Variants in SLF1 observed in about 807,000 individuals in gnomAD.
The protein encoded by SLF1 is SMC5-SMC6 complex localization factor protein 1.
SLF1 carries 105 observed loss-of-function variants against 123.0 expected under a neutral mutation model. The ratio of observed to expected loss-of-function variants is 0.85; its 90% CI spans 0.73 to 1.00. The LOEUF is 1.00. Ranked by LOEUF, SLF1 falls within the 50% of genes least tolerant of loss-of-function variation. The probability of loss-of-function intolerance (pLI) is 0.00; values close to 1 mark genes in which losing one functional copy is unlikely to be tolerated. For synonymous variants in SLF1, 434 were observed against 406.6 expected (o/e 1.07, Z -0.81); for missense variants, 1,239 against 1,223.0 (o/e 1.01, Z -0.20).
intron 3 of SLF1, among the ~76,000 whole-genome samples, chr5:94,630,159 A>G (rs1745047558): frequency 6.6e-6 from 1 of 152,170 alleles, no homozygotes; most frequent in Non-Finnish European, 1.5e-5. Flanking sequence ...GTAATACCAC[A>G]TTTTATTTTG....
At chr5:94,689,102 G>A (rs6890092) in intron 17 of SLF1, among the ~76,000 whole-genome samples, 33,904 of 152,118 alleles carry the variant, frequency 0.22, 3,910 homozygotes, top group East Asian at 0.35. Context: ...GAAAGCTTCT[G>A]TGAGAGGAAG....
At chr5:94,692,420 TTTA>T (rs1158823658) in intron 20 of SLF1, among the ~76,000 whole-genome samples, 164 bp downstream of exon 20, 4 of 152,282 alleles carry the variant, frequency 2.6e-5, no homozygotes, top group Middle Eastern at 3.4e-3. Context: ...GTAAGCACCT[TTTA>T]TTATTAGAGA....
intron 17 of SLF1, 128 bp from the exon 18 acceptor site, chr5:94,689,345 A>T: frequency 1.1e-6 from 1 of 921,488 alleles, no homozygotes; most frequent in African/African-American, 1.7e-5. Flanking sequence ...ATTAGAAAGC[A>T]GTAAAGATTG....
Position 94,665,758 on chromosome 5 carries a change from A to G in SLF1, c.1369-103A>G, listed in dbSNP as rs571349676. On this transcript the variant is annotated intron_variant, in intron 11 of 20. Transcript: ENST00000265140. ...ACAGAGCCAGACTCCGTCTCAAAAA[A>G]GAAAGTTAGGCCAGGGTTACTGTTT... 63 of 1,084,708 alleles carry G rather than the reference A, an allele frequency of 5.8e-5. No individual in the cohort carries two copies. In the Middle Eastern group the frequency reaches 8.4e-4, roughly 14 times the overall value. 67.2% of individuals were successfully genotyped at this position (1,084,708 alleles called of 1,614,324 possible).
intron 9 of SLF1, among the ~76,000 whole-genome samples, chr5:94,659,934 C>T (rs185851645): frequency 1.1e-4 from 17 of 152,256 alleles, no homozygotes; most frequent in Non-Finnish European, 2.1e-4. Context: ...CCCCAAGTAG[C>T]AAACATGGGT....
At chr5:94,649,431 A>G in intron 5 of SLF1, 23 bp from the exon 6 acceptor site, 2 of 1,458,674 alleles carry the variant, frequency 1.4e-6, no homozygotes, top group South Asian at 2.8e-5. Flanking sequence ...ATGATTGCCT[A>G]AACCATTTTT....
At chr5:94,656,433 A>G (rs1204861115) in intron 9 of SLF1, among the ~76,000 whole-genome samples, 2 of 151,752 alleles carry the variant, frequency 1.3e-5, no homozygotes, top group Non-Finnish European at 2.9e-5. Flanking sequence ...TTTCTCAGGG[A>G]TATTGCCCTG....
chr5:94,688,478 A>G, intron 16 of SLF1, 28 bp from the exon 17 acceptor site: 2 of 1,601,492 alleles, frequency 1.2e-6, no homozygotes, highest in Non-Finnish European at 1.7e-6. Context: ...TGTAGTTGAG[A>G]AAATAATGCA....
At chr5:94,688,428 T>C (rs1752696098) in intron 16 of SLF1, 78 bp from the exon 17 acceptor site, 4 of 1,412,910 alleles carry the variant, frequency 2.8e-6, no homozygotes, top group South Asian at 1.3e-5. Context: ...CCAAATGTAA[T>C]AGTGAAATGA....
intron 15 of SLF1, among the ~76,000 whole-genome samples, chr5:94,680,797 C>CAT (rs1751673133): frequency 6.6e-6 from 1 of 152,164 alleles, no homozygotes; most frequent in African/African-American, 2.4e-5. Context: ...TAAAGCAGGA[C>CAT]ATTGTTATCC....
At chr5:94,660,111 G>A (rs757121621) in intron 9 of SLF1, among the ~76,000 whole-genome samples, 1 of 152,180 alleles carries the variant, frequency 6.6e-6, no homozygotes, top group Non-Finnish European at 1.5e-5. Flanking sequence ...AATGTGCTGG[G>A]GTCCCAGCAG....
intron 15 of SLF1, among the ~76,000 whole-genome samples, chr5:94,681,044 C>T (rs1319791805): frequency 2.0e-5 from 3 of 152,218 alleles, no homozygotes; most frequent in African/African-American, 7.2e-5. Context: ...AAAATGTACA[C>T]GTGTGCATGT....
Position 94,679,064 on chromosome 5 carries a change from A to G in SLF1, c.1975+109A>G, listed in dbSNP as rs1751449959. 9.1e-6 allele frequency: 12 copies of G among 1,311,970 alleles called. No individual in the cohort carries two copies. The East Asian group carries it at 2.8e-4, about 31-fold the overall frequency. The allele number at this position is 1,311,970 out of a possible 1,614,324, so 81.3% of individuals were successfully genotyped here. A position where few individuals can be genotyped will look rare whatever the true frequency, so the allele number is the denominator to read the frequency against. The stretch of plus-strand genomic sequence containing the variant: ...CATATGTTCATTTGAAACTTTCCTT[A>G]AAATAGTTATGGATGCACGCACACA... On this transcript the variant is annotated intron_variant, in intron 15 of 20. Transcript: ENST00000265140.
chr5:94,650,211 G>A (rs1747530790), intron 6 of SLF1, among the ~76,000 whole-genome samples: 3 of 152,082 alleles, frequency 2.0e-5, no homozygotes, highest in Admixed American at 2.0e-4. Context: ...TTATAAAGCA[G>A]TCTATTTGGT....
chr5:94,625,849 T>C (rs928505150), intron 1 of SLF1, among the ~76,000 whole-genome samples: 1 of 152,192 alleles, frequency 6.6e-6, no homozygotes, highest in African/African-American at 2.4e-5. Context: ...ATCATTATTA[T>C]TTCTAACAAC....
chr5:94,692,724 GA>G (rs1372774835), intron 20 of SLF1, among the ~76,000 whole-genome samples: 25 of 152,196 alleles, frequency 1.6e-4, no homozygotes, highest in Admixed American at 5.2e-4. Flanking sequence ...TGATATCCTA[GA>G]ATATTTTTCG....
At chr5:94,635,624 G>A (rs888793410) in intron 4 of SLF1, among the ~76,000 whole-genome samples, 4 of 151,584 alleles carry the variant, frequency 2.6e-5, no homozygotes, top group East Asian at 1.9e-4. Context: ...TGGTTACCAT[G>A]TAGTTATATA....
At chr5:94,666,212 C>T (rs1214960150) in intron 12 of SLF1, among the ~76,000 whole-genome samples, 188 bp downstream of exon 12, 1 of 152,024 alleles carries the variant, frequency 6.6e-6, no homozygotes, top group East Asian at 1.9e-4. Context: ...GTTTTTCAGT[C>T]TGTTTCCTAA....
rs1339925161 is a variant in SLF1 at position 94,670,165 on chromosome 5, A to G, written c.1547A>G (p.Asn516Ser). 1.8e-5 allele frequency: 28 copies of G among 1,538,206 alleles called. No individual in the cohort carries two copies. The highest frequency in any genetic ancestry group is 2.5e-5 in the East Asian group (1 of 39,870). ...VEVLIRSCLF[N>S]ESFCHQISEN... is the part of the protein sequence containing the mutation. ...ATGTTTTTCAGGTCTTGCCTTTTCA[A>G]TGAAAGCTTTTGTCATCAAATTTCA... The change falls in exon 13 of 21, where the codon AAT becomes AGT. Residue 516 changes from asparagine (N) to serine (S), a missense_variant. Asn to Ser is a conservative substitution (Grantham distance 46). Transcript: ENST00000265140.
Sources: gnomAD v4.1 joint callset for allele counts (sites outside exome capture counted in the v4.1 genomes callset) on GRCh38, gnomAD v4.1.1 for gene constraint, MANE v1.5 for transcripts, NCBI Gene and HGNC (gene_info 2026-07-23, HGNC 2026-07-21) for gene names.